The following ATP2B2 variants were observed in gnomAD, a reference collection of about 807,000 sequenced individuals.
ATP2B2 encodes the protein ATPase plasma membrane Ca2+ transporting 2.
A neutral mutation model predicts 120.0 loss-of-function variants in ATP2B2; 15 were observed. The observed-to-expected ratio is 0.12, with a 90% CI of 0.08 to 0.19. The LOEUF (loss-of-function observed/expected upper bound fraction) is 0.19. Ranked by LOEUF, ATP2B2 falls within the 10% of genes least tolerant of loss-of-function variation. The pLI, the probability that ATP2B2 is intolerant of heterozygous loss-of-function variation, is 1.00. For synonymous variants in ATP2B2, 694 were observed against 700.3 expected, an observed-to-expected ratio of 0.99 and a Z score of 0.14; for missense variants, 1,045 against 1,719.8, an observed-to-expected ratio of 0.61 and a Z score of 6.94.
At chr3:10,494,546 C>T (rs937255102) in intron 1 of ATP2B2, among the ~76,000 whole-genome samples, 1 of 152,166 alleles carries the variant, frequency 6.6e-6, no homozygotes, top group Non-Finnish European at 1.5e-5. Flanking sequence ...GGGATTTAAT[C>T]TCCTTGGCAG....
chr3:10,686,439 G>A (rs1327634636), intron 1 of ATP2B2, among the ~76,000 whole-genome samples: 1 of 152,156 alleles, frequency 6.6e-6, no homozygotes. Context: ...CGGATTGCAA[G>A]GTCAGGAGAT....
intron 7 of ATP2B2, 68 bp from the exon 8 acceptor site, chr3:10,385,395 T>C (rs930783955): frequency 2.9e-6 from 4 of 1,383,154 alleles, no homozygotes; most frequent in Non-Finnish European, 4.1e-6. Context: ...GACAAAGACA[T>C]GAACCAACTT....
intron 1 of ATP2B2, among the ~76,000 whole-genome samples, chr3:10,646,855 G>A (rs1434605202): frequency 6.6e-6 from 1 of 152,178 alleles, no homozygotes; most frequent in African/African-American, 2.4e-5. Context: ...AGGCACCCCT[G>A]CCTACTCCCA....
At chr3:10,665,142 G>T (rs1011171106) in intron 1 of ATP2B2, among the ~76,000 whole-genome samples, 1 of 152,300 alleles carries the variant, frequency 6.6e-6, no homozygotes, top group Middle Eastern at 3.4e-3. Context: ...CTGCTACCCT[G>T]CTCTGAGCCC....
chr3:10,497,758 T>C (rs1216627026), intron 1 of ATP2B2, among the ~76,000 whole-genome samples: 4 of 152,242 alleles, frequency 2.6e-5, no homozygotes, highest in African/African-American at 9.6e-5. Flanking sequence ...TGCACGGCCA[T>C]TTATTAAGCA....
intron 1 of ATP2B2, among the ~76,000 whole-genome samples, chr3:10,669,940 G>T (rs929743871): frequency 6.6e-6 from 1 of 152,184 alleles, no homozygotes; most frequent in Non-Finnish European, 1.5e-5. Context: ...CACTGGGCTG[G>T]CCATAGAGAA....
At position 10,488,234 on chromosome 3, in the gene ATP2B2, T is replaced by TCCATCCATCCATCC. The variant is rs1559402222; in HGVS notation, c.-320+17230_-320+17231insGGATGGATGGATGG. ...CCATCCATCCATCCACTCATCCACC[T>TCCATCCATCCATCC]ATCCATCCATCCATCCATCCATCCA... On this transcript the variant is annotated intron_variant, in intron 1 of 22. Coordinates refer to ENST00000360273, the MANE Select transcript of ATP2B2 (RefSeq NM_001001331.4). Among the ~76,000 whole-genome samples, 42 of 107,514 alleles carry TCCATCCATCCATCC rather than the reference T, an allele frequency of 3.9e-4. 1 individual carries two copies. Among genetic ancestry groups the TCCATCCATCCATCC allele is most frequent in the South Asian group, 2.8e-3 (8 of 2,860 alleles). 70.5% of individuals were successfully genotyped at this position (107,514 alleles called of 152,430 possible).
chr3:10,374,685 G>T (rs571366666), intron 11 of ATP2B2, among the ~76,000 whole-genome samples: 1 of 152,220 alleles, frequency 6.6e-6, no homozygotes, highest in South Asian at 2.1e-4. Flanking sequence ...GGTCAGACTC[G>T]CAGTGACTGG....
chr3:10,386,556 C>T lies in ATP2B2; in HGVS notation c.908-44G>A, dbSNP rs878899462. 5 of 1,609,750 alleles carry T rather than the reference C, an allele frequency of 3.1e-6. No individual in the cohort carries two copies. The South Asian group carries it at 3.3e-5, about 11-fold the overall frequency. The stretch of plus-strand genomic sequence containing the variant: ...GACATGTTAATGAAGGAGAAGCACA[C>T]AGCCTCATCTGCCCATGCGCACGCG... On this transcript the variant is annotated intron_variant, in intron 6 of 22. Coordinates refer to ENST00000360273, the MANE Select transcript of ATP2B2 (RefSeq NM_001001331.4).
chr3:10,622,497 C>T (rs2069578510), intron 1 of ATP2B2, among the ~76,000 whole-genome samples: 2 of 151,898 alleles, frequency 1.3e-5, no homozygotes, highest in African/African-American at 2.4e-5. Context: ...TGGAAAAATC[C>T]CCTGACTTCT....
chr3:10,641,195 G>C (rs1479670384), intron 1 of ATP2B2, among the ~76,000 whole-genome samples: 1 of 152,216 alleles, frequency 6.6e-6, no homozygotes, highest in Non-Finnish European at 1.5e-5. Context: ...AGCTTTTGTA[G>C]ACAACTATTT....
At chr3:10,621,541 C>A (rs1446426743) in intron 1 of ATP2B2, among the ~76,000 whole-genome samples, 1 of 152,262 alleles carries the variant, frequency 6.6e-6, no homozygotes, top group South Asian at 2.1e-4. Context: ...GCCACACAGC[C>A]AGGGAGTGGC....
chr3:10,592,880 T>C (rs1190144961), intron 2 of ATP2B2, among the ~76,000 whole-genome samples: 5 of 152,210 alleles, frequency 3.3e-5, no homozygotes, highest in Admixed American at 2.6e-4. Flanking sequence ...CCTCCTGGGC[T>C]CAATCAATCC....
At chr3:10,445,917 C>A (rs932800353) in intron 2 of ATP2B2, among the ~76,000 whole-genome samples, 2 of 152,182 alleles carry the variant, frequency 1.3e-5, no homozygotes, top group Non-Finnish European at 2.9e-5. Flanking sequence ...GATGGCCAAG[C>A]AGGGTGGGAC....
At chr3:10,333,859 G>A (rs894221201) in intron 22 of ATP2B2, among the ~76,000 whole-genome samples, 1 of 152,222 alleles carries the variant, frequency 6.6e-6, no homozygotes, top group African/African-American at 2.4e-5. Context: ...CTCTGCCTGG[G>A]CTTCTTTTCC....
chr3:10,359,812 T>C, intron 13 of ATP2B2, 70 bp downstream of exon 13: 1 of 1,607,388 alleles, frequency 6.2e-7, no homozygotes, highest in Non-Finnish European at 8.5e-7. Flanking sequence ...CAGTGCTATA[T>C]GACCCTGACA....
intron 1 of ATP2B2, among the ~76,000 whole-genome samples, chr3:10,624,374 C>A (rs1400999038): frequency 1.3e-5 from 2 of 152,170 alleles, no homozygotes; most frequent in Non-Finnish European, 2.9e-5. Context: ...TCTTCCAGCT[C>A]TCAGGACAGG....
chr3:10,396,251 T>G (rs1299476185), intron 5 of ATP2B2, among the ~76,000 whole-genome samples: 1 of 152,236 alleles, frequency 6.6e-6, no homozygotes, highest in East Asian at 1.9e-4. Flanking sequence ...GTCACACGTG[T>G]GCATGCCTGT....
rs148842521 is a variant in ATP2B2, at chr3:10,580,859, T to C, written c.-415+39058A>G. On this transcript the variant is annotated intron_variant, in intron 2 of 21. Coordinates refer to the ATP2B2 transcript ENST00000646379. ...TTATTTGAATACAGTCATATTCATT[T>C]GTGTGTATCCATGGCCGTTTTCACA... Among the ~76,000 whole-genome samples, 368 of 152,394 alleles carry C rather than the reference T, an allele frequency of 2.4e-3. 1 individual carries two copies. The highest frequency in any genetic ancestry group is 8.6e-3 in the African/African-American group (358 of 41,600).
Sources: allele counts gnomAD v4.1 joint callset (sites outside exome capture counted in the v4.1 genomes callset), GRCh38; gene constraint gnomAD v4.1.1; transcripts MANE v1.5; gene names NCBI Gene and HGNC (gene_info 2026-07-23, HGNC 2026-07-21).